Variants in NCAPG observed in about 807,000 individuals in gnomAD.
The protein encoded by NCAPG is non-SMC condensin I complex subunit G.
NCAPG carries 69 observed loss-of-function variants against 113.1 expected under a neutral mutation model. The observed-to-expected ratio is 0.61, with a 90% CI of 0.50 to 0.75. The LOEUF (loss-of-function observed/expected upper bound fraction) is 0.75. NCAPG is among the 30% of genes least tolerant of loss of function. NCAPG has a pLI of 0.00. For synonymous variants in NCAPG, 370 were observed against 415.8 expected, an observed-to-expected ratio of 0.89 and a Z score of 1.34; for missense variants, 1,058 against 1,177.0, an observed-to-expected ratio of 0.90 and a Z score of 1.48.
intron 13 of NCAPG, among the ~76,000 whole-genome samples, chr4:17,833,483 T>TATA (rs10681402): frequency 7.4e-6 from 1 of 134,404 alleles, no homozygotes; most frequent in African/African-American, 3.0e-5. Flanking sequence ...TATATATATA[T>TATA]TTTTGTTGTT....
intron 12 of NCAPG, 81 bp downstream of exon 12, chr4:17,828,469 T>G: frequency 2.8e-6 from 2 of 712,920 alleles, no homozygotes; most frequent in Non-Finnish European, 4.7e-6. Flanking sequence ...GAAATCAAAA[T>G]AATGAAAAGA....
At chr4:17,820,689 G>A (rs565301685) in intron 7 of NCAPG, among the ~76,000 whole-genome samples, 227 of 152,244 alleles carry the variant, frequency 1.5e-3, no homozygotes, top group African/African-American at 5.2e-3. Flanking sequence ...TGTCTTTTTG[G>A]AGGAACATGA....
Position 17,839,694 on chromosome 4 carries a change from A to G in NCAPG, c.2485A>G (p.Asn829Asp). The change falls in exon 17 of 21, where the codon AAT (asparagine) becomes GAT (aspartate). Residue 829 changes from asparagine to aspartate, a missense_variant. Coordinates refer to ENST00000251496, the MANE Select transcript of NCAPG (RefSeq NM_022346.5). ...QDYQALTVHD[N>D]LAMKICNEIL... ...TTTTTAGGCCTTAACAGTACATGAC[A>G]ATTTGGCTATGAAAATTTGCAATGA... 3 of 1,561,364 alleles carry G rather than the reference A, an allele frequency of 1.9e-6. No individual in the cohort carries two copies. Among genetic ancestry groups the G allele is most frequent in the Non-Finnish European group, 2.6e-6 (3 of 1,164,340 alleles).
Position 17,834,402 on chromosome 4 carries a change from A to G in NCAPG, c.1988A>G (p.Lys663Arg). 6.2e-7 allele frequency: 1 copy of G among 1,612,092 alleles called. No individual in the cohort carries two copies. Among genetic ancestry groups the G allele is most frequent in the Non-Finnish European group, 8.5e-7 (1 of 1,178,950 alleles). The part of the protein sequence containing the change: ...GIEPFKTKKI[K>R]TLHCEGTEIN... ...GAACCATTTAAAACTAAAAAAATCA[A>G]AACACTTCATTGTGAAGGTACAGAA... The change falls in exon 14 of 21, where the codon AAA becomes AGA. Residue 663 changes from lysine (K) to arginine (R), a missense_variant. Transcript: ENST00000251496.
At chr4:17,817,639 C>G (rs1721269062) in intron 6 of NCAPG, among the ~76,000 whole-genome samples, 186 bp downstream of exon 6, 1 of 152,084 alleles carries the variant, frequency 6.6e-6, no homozygotes, top group Non-Finnish European at 1.5e-5. Flanking sequence ...GAACTCATAA[C>G]TTTATCATAG....
intron 6 of NCAPG, 42 bp downstream of exon 6, chr4:17,817,495 C>T (rs776450945): frequency 3.3e-6 from 5 of 1,512,968 alleles, no homozygotes; most frequent in Non-Finnish European, 4.5e-6. Context: ...TACTGATTAA[C>T]TTGTGCAATT....
intron 5 of NCAPG, among the ~76,000 whole-genome samples, chr4:17,816,270 G>T (rs1411883817): frequency 6.6e-6 from 1 of 152,088 alleles, no homozygotes; most frequent in African/African-American, 2.4e-5. Flanking sequence ...TAGAGTTCCT[G>T]CGCCTGAGAG....
chr4:17,834,264 A>ATTTAC (rs1390523169), intron 13 of NCAPG, 35 bp from the exon 14 acceptor site: 1 of 1,380,202 alleles, frequency 7.2e-7, no homozygotes, highest in East Asian at 2.5e-5. Context: ...AGTTTACTGA[A>ATTTAC]TTTACTTTTT....
intron 5 of NCAPG, among the ~76,000 whole-genome samples, chr4:17,816,356 C>T (rs1320614512): frequency 1.3e-5 from 2 of 152,180 alleles, no homozygotes; most frequent in African/African-American, 2.4e-5. Context: ...CTTACCTCCT[C>T]CTGTGCGGCC....
intron 13 of NCAPG, among the ~76,000 whole-genome samples, chr4:17,832,742 C>T (rs541882594): frequency 6.6e-6 from 1 of 151,870 alleles, no homozygotes; most frequent in African/African-American, 2.4e-5. Flanking sequence ...CTTTATAGGA[C>T]CCTAAGCCTC....
chr4:17,824,147 G>A (rs961204630), intron 9 of NCAPG, among the ~76,000 whole-genome samples: 9 of 152,130 alleles, frequency 5.9e-5, no homozygotes, highest in Non-Finnish European at 1.0e-4. Flanking sequence ...CTTTGGACAA[G>A]TTATTCTGCT....
Position 17,844,863 on chromosome 4 carries a change from A to G in NCAPG, c.*1438A>G, listed in dbSNP as rs1008918224. On this transcript the variant is annotated 3_prime_UTR_variant, in exon 21 of 21. Coordinates refer to ENST00000251496, the MANE Select transcript of NCAPG (RefSeq NM_022346.5). ...CATGGGAAAAATAAATTTAAGCACC[A>G]AACCTTTAGTATTCTGAGTATTCAG... The G allele has an allele frequency of 6.6e-6, 1 of 152,274 alleles. No individual in the cohort carries two copies. Among genetic ancestry groups the G allele is most frequent in the African/African-American group, 2.4e-5 (1 of 41,584 alleles). The allele number at this position is 152,274 out of a possible 1,614,324, so 9.4% of individuals were successfully genotyped here.
chr4:17,815,744 G>A (rs6845964), intron 5 of NCAPG, among the ~76,000 whole-genome samples: 1,685 of 152,160 alleles, frequency 0.011, 23 homozygotes, highest in African/African-American at 0.039. Context: ...GACTGGTCTC[G>A]AACTCCTGAC....
At chr4:17,835,438 T>C (rs943378738) in intron 14 of NCAPG, among the ~76,000 whole-genome samples, 1 of 152,152 alleles carries the variant, frequency 6.6e-6, no homozygotes, top group African/African-American at 2.4e-5. Flanking sequence ...GTGATCCTCC[T>C]GCCTCAGCCT....
chr4:17,842,131 T>G, intron 19 of NCAPG, 179 bp from the exon 20 acceptor site: 1 of 549,106 alleles, frequency 1.8e-6, no homozygotes, highest in Non-Finnish European at 3.3e-6. Flanking sequence ...TTAATCTTGC[T>G]TGGGTTCCTT....
Position 17,840,600 on chromosome 4 carries a change from T to C in NCAPG, c.2768-7T>C, listed in dbSNP as rs1430109478. 13 of 1,432,728 alleles carry C rather than the reference T, an allele frequency of 9.1e-6. No homozygotes were observed. The highest frequency in any genetic ancestry group is 1.5e-5 in the African/African-American group (1 of 67,766). 88.8% of individuals were successfully genotyped at this position (1,432,728 alleles called of 1,614,324 possible). ...TATTTATATTGTTGTATTATTCCCT[T>C]TAATAGAAAAGAATAAAGAAGTATA... On this transcript the variant is annotated splice_polypyrimidine_tract_variant and splice_region_variant and intron_variant, in intron 18 of 20. Coordinates refer to ENST00000251496, the MANE Select transcript of NCAPG (RefSeq NM_022346.5).
intron 7 of NCAPG, among the ~76,000 whole-genome samples, chr4:17,819,763 A>G (rs1433970125): frequency 6.7e-6 from 1 of 149,032 alleles, no homozygotes; most frequent in Admixed American, 6.7e-5. Context: ...ATCTGTATGA[A>G]GTACAGTTCT....
intron 19 of NCAPG, 51 bp downstream of exon 19, chr4:17,840,744 C>A: frequency 1.7e-6 from 2 of 1,194,778 alleles, no homozygotes; most frequent in Non-Finnish European, 2.3e-6. Context: ...ATTTTATCTT[C>A]CAATGAAAAA....
intron 14 of NCAPG, among the ~76,000 whole-genome samples, chr4:17,834,810 C>T (rs1369683554): frequency 2.6e-5 from 4 of 152,088 alleles, no homozygotes; most frequent in Non-Finnish European, 5.9e-5. Context: ...ATTTTTCCTA[C>T]TGGATTTTAA....
Sources: allele counts gnomAD v4.1 joint callset (sites outside exome capture counted in the v4.1 genomes callset), GRCh38; gene constraint gnomAD v4.1.1; transcripts MANE v1.5; gene names NCBI Gene and HGNC (gene_info 2026-07-23, HGNC 2026-07-21).